Variants in THADA observed in about 807,000 individuals in gnomAD.
THADA encodes tRNA (32-2'-O)-methyltransferase regulator THADA.
THADA carries 213 observed loss-of-function variants against 219.8 expected under a neutral mutation model. The ratio of observed to expected loss-of-function variants is 0.97; its 90% CI spans 0.87 to 1.09. THADA has a LOEUF of 1.09. Ranked by LOEUF, THADA falls within the 50% of genes least tolerant of loss-of-function variation. The probability of loss-of-function intolerance (pLI) is 0.00; values close to 1 mark genes in which losing one functional copy is unlikely to be tolerated. For missense variants in THADA, 2,956 were observed against 2,311.3 expected (o/e 1.28, Z -5.72); for synonymous variants, 1,018 against 828.9 (o/e 1.23, Z -3.92).
chr2:43,400,482 T>TATATATATATATATAC (rs1553427586), intron 28 of THADA, among the ~76,000 whole-genome samples: 1 of 146,722 alleles, frequency 6.8e-6, no homozygotes, highest in Non-Finnish European at 1.5e-5. Flanking sequence ...TATATAAATA[T>TATATATATATATATAC]ATACACTAAG....
chr2:43,442,492 A>G (rs1680969706), intron 26 of THADA, among the ~76,000 whole-genome samples: 1 of 152,176 alleles, frequency 6.6e-6, no homozygotes, highest in African/African-American at 2.4e-5. Flanking sequence ...AAAAATTAGT[A>G]AGACTGGATT....
At chr2:43,528,083 T>C (rs1693391784) in intron 21 of THADA, 95 bp from the exon 22 acceptor site, 2 of 737,256 alleles carry the variant, frequency 2.7e-6, no homozygotes, top group African/African-American at 1.8e-5. Flanking sequence ...GGTCTAGGGG[T>C]CCATTCATTT....
At chr2:43,485,427 C>T in intron 25 of THADA, 102 bp from the exon 26 acceptor site, 1 of 792,666 alleles carries the variant, frequency 1.3e-6, no homozygotes, top group Non-Finnish European at 2.1e-6. Flanking sequence ...ACCTAACTGG[C>T]TAGTGTGAGG....
chr2:43,305,164 G>A (rs925748871), intron 31 of THADA, among the ~76,000 whole-genome samples: 4 of 152,024 alleles, frequency 2.6e-5, no homozygotes, highest in African/African-American at 7.2e-5. Context: ...CAATTTCTCC[G>A]TTAAAAAAAT....
chr2:43,422,578 T>C (rs1677851692), intron 28 of THADA, among the ~76,000 whole-genome samples: 1 of 152,202 alleles, frequency 6.6e-6, no homozygotes, highest in South Asian at 2.1e-4. Context: ...ACCAAGATAT[T>C]TTTTCCCCCA....
At chr2:43,465,735 G>A (rs536972712) in intron 26 of THADA, among the ~76,000 whole-genome samples, 14 of 152,092 alleles carry the variant, frequency 9.2e-5, no homozygotes, top group African/African-American at 2.2e-4. Flanking sequence ...TACCACCTAC[G>A]GATGACTCCT....
chr2:43,297,548 G>C lies in THADA; in HGVS notation c.4439-4335C>G, dbSNP rs1278850517. Among the ~76,000 whole-genome samples, 6 of 112,948 alleles carry C rather than the reference G, an allele frequency of 5.3e-5. 1 individual carries two copies. Among genetic ancestry groups the C allele is most frequent in the Non-Finnish European group, 9.0e-5 (5 of 55,756 alleles). 74.1% of individuals were successfully genotyped at this position (112,948 alleles called of 152,430 possible). A position where few individuals can be genotyped will look rare whatever the true frequency, so the allele number is the denominator to read the frequency against. On this transcript the variant is annotated intron_variant, in intron 31 of 37. Coordinates refer to ENST00000405975, the MANE Select transcript of THADA (RefSeq NM_022065.5). ...CAGCCGTGCCGTCCGGGAGGGAGGT[G>C]GGGGGGTCAGCCCCCCGCCTGGCCA...
chr2:43,413,303 A>C (rs1676522859), intron 28 of THADA, among the ~76,000 whole-genome samples: 1 of 152,106 alleles, frequency 6.6e-6, no homozygotes, highest in Non-Finnish European at 1.5e-5. Flanking sequence ...AAAACACAAC[A>C]GTCTAGTCCT....
chr2:43,560,298 T>G lies in THADA; in HGVS notation c.2399A>C (p.Glu800Ala), dbSNP rs1697900556. ...ATCAAATGCTAAAATTTTCACGTCT[T>G]CAAAAGTGCTGGTAAAACATTCCAT... ...TLMECFTSTF[E>A]DVKILAFDLL... The change falls in exon 16 of 38, where the codon GAA becomes GCA. Residue 800 changes from glutamate to alanine, a missense_variant. Glu to Ala is a moderately radical substitution (Grantham distance 107). Transcript: ENST00000405975. 6.2e-7 allele frequency: 1 copy of G among 1,612,706 alleles called. No homozygotes were observed. Among genetic ancestry groups the G allele is most frequent in the African/African-American group, 1.3e-5 (1 of 74,920 alleles).
At chr2:43,504,676 C>T (rs1446114992) in intron 24 of THADA, among the ~76,000 whole-genome samples, 2 of 152,076 alleles carry the variant, frequency 1.3e-5, no homozygotes, top group South Asian at 4.2e-4. Flanking sequence ...GTCAGGAGTT[C>T]GAGACCAACC....
At chr2:43,249,529 C>T (rs1669600067) in intron 36 of THADA, among the ~76,000 whole-genome samples, 1 of 152,248 alleles carries the variant, frequency 6.6e-6, no homozygotes, top group Non-Finnish European at 1.5e-5. Flanking sequence ...AGTGCTCCCA[C>T]AAGGCCCAAA....
intron 29 of THADA, among the ~76,000 whole-genome samples, chr2:43,393,525 T>C (rs1673657216): frequency 1.3e-5 from 2 of 152,072 alleles, no homozygotes. Context: ...CTGGCCAACA[T>C]GGTGAAACCC....
In THADA at chr2:43,330,713, G is replaced by A. The variant is rs983018385; in HGVS notation, c.4344-10173C>T. Among the ~76,000 whole-genome samples, 4 of 152,346 alleles carry A rather than the reference G, an allele frequency of 2.6e-5. No individual in the cohort carries two copies. The East Asian group carries it at 5.8e-4, about 22-fold the overall frequency. On this transcript the variant is annotated intron_variant, in intron 30 of 37. Coordinates refer to ENST00000405975, the MANE Select transcript of THADA (RefSeq NM_022065.5). ...AGGAAAAGGGATATAGAATAGTTAA[G>A]TTTTGATGGCAAGAAGGTCTGGAGC... is the stretch of plus-strand genomic sequence containing the variant.
chr2:43,586,715 AT>A lies in THADA; in HGVS notation c.470del (p.Asn157IlefsTer14). On this transcript the variant is annotated frameshift_variant, in exon 6 of 38. Coordinates refer to ENST00000405975, the MANE Select transcript of THADA (RefSeq NM_022065.5). LOFTEE classifies it high-confidence loss of function. ...AATAGGACTTACCATTTTTAAGCAG[AT>A]TATTAACACTTGCTCTACCTGTAGA... ...NFNLGRASVNNLLKNVLHFLQ... is the reference protein window; with the variant it reads ...NFNLGRASVNXLLKNVLHFLQ... 1.2e-6 allele frequency: 2 copies of A among 1,612,258 alleles called. No individual in the cohort carries two copies. The highest frequency in any genetic ancestry group is 1.7e-6 in the Non-Finnish European group (2 of 1,179,550).
At chr2:43,260,347 C>A (rs6544636) in intron 36 of THADA, among the ~76,000 whole-genome samples, 39,829 of 152,058 alleles carry the variant, frequency 0.26, 6,395 homozygotes, top group African/African-American at 0.45. Context: ...TCATGCGTGT[C>A]CTGTTCACAT....
At chr2:43,543,368 A>C (rs1374113809) in intron 20 of THADA, among the ~76,000 whole-genome samples, 2 of 150,410 alleles carry the variant, frequency 1.3e-5, no homozygotes, top group African/African-American at 4.9e-5. Context: ...AGCATGATTT[A>C]TAGTCCTTTG....
chr2:43,261,216 CTTTTTTTT>C (rs1181680289), intron 36 of THADA, among the ~76,000 whole-genome samples: 3 of 77,158 alleles, frequency 3.9e-5, no homozygotes, highest in African/African-American at 5.3e-5. Context: ...TTGTGCATTT[CTTTTTTTT>C]TTTTTTTTTT....
intron 30 of THADA, among the ~76,000 whole-genome samples, chr2:43,322,375 G>A (rs1357351331): frequency 6.6e-6 from 1 of 151,772 alleles, no homozygotes; most frequent in African/African-American, 2.4e-5. Flanking sequence ...AGGGTGGCGG[G>A]CGCCTGTATT....
intron 29 of THADA, among the ~76,000 whole-genome samples, chr2:43,351,416 AC>A (rs1365479601): frequency 6.6e-6 from 1 of 151,820 alleles, no homozygotes; most frequent in Non-Finnish European, 1.5e-5. Context: ...CTCCAACTCC[AC>A]CTACTGAAAT....
Sources: allele counts gnomAD v4.1 joint callset (sites outside exome capture counted in the v4.1 genomes callset), GRCh38; gene constraint gnomAD v4.1.1; transcripts MANE v1.5; gene names NCBI Gene and HGNC (gene_info 2026-07-23, HGNC 2026-07-21).